The following FAM161A variants were observed in gnomAD, a reference collection of about 807,000 sequenced individuals.
FAM161A encodes the protein protein FAM161A.
FAM161A carries 57 observed loss-of-function variants against 70.9 expected under a neutral mutation model. That is an observed-to-expected ratio of 0.80 (90% CI 0.65 to 1.00). The LOEUF is 1.00. FAM161A is among the 50% of genes least tolerant of loss of function. The pLI, the probability that FAM161A is intolerant of heterozygous loss-of-function variation, is 0.00. For missense variants in FAM161A, 880 were observed against 836.0 expected, an observed-to-expected ratio of 1.05 and a Z score of -0.65; for synonymous variants, 299 against 295.7, an observed-to-expected ratio of 1.01 and a Z score of -0.12.
chr2:61,819,892 G>C (rs1313359720), downstream of FAM161A, among the ~76,000 whole-genome samples: 1 of 151,914 alleles, frequency 6.6e-6, no homozygotes, highest in African/African-American at 2.4e-5. Flanking sequence ...GCTTGAGAAA[G>C]GCTCATTTAT....
Position 61,838,428 on chromosome 2 carries a change from G to A in FAM161A, c.1751+110C>T, listed in dbSNP as rs1672852905. ...AACTGATGACAATTTAAATCCATAAGCTAAAACACTAATGCTATTTTCAAT... is the reference window on the plus strand; with the variant it reads ...AACTGATGACAATTTAAATCCATAAACTAAAACACTAATGCTATTTTCAAT... On this transcript the variant is annotated intron_variant, in intron 4 of 6. Coordinates refer to ENST00000404929, the MANE Select transcript of FAM161A (RefSeq NM_001201543.2). 3 of 931,626 alleles carry A rather than the reference G, an allele frequency of 3.2e-6. No individual in the cohort carries two copies. The Admixed American group carries it at 7.2e-5, about 22-fold the overall frequency. 57.7% of individuals were successfully genotyped at this position (931,626 alleles called of 1,614,324 possible).
At chr2:61,845,938 A>G (rs1183365165) in intron 1 of FAM161A, among the ~76,000 whole-genome samples, 1 of 151,906 alleles carries the variant, frequency 6.6e-6, no homozygotes, top group Non-Finnish European at 1.5e-5. Flanking sequence ...AAAATACAAA[A>G]ATTAGCCAGG....
intron 5 of FAM161A, among the ~76,000 whole-genome samples, chr2:61,829,203 C>T (rs1672483929): frequency 6.6e-6 from 1 of 152,168 alleles, no homozygotes; most frequent in Non-Finnish European, 1.5e-5. Flanking sequence ...TTGACCATTT[C>T]CTAGGTCTTT....
At chr2:61,832,067 CA>C (rs1049515007) in intron 5 of FAM161A, among the ~76,000 whole-genome samples, 60 of 151,988 alleles carry the variant, frequency 3.9e-4, no homozygotes, top group African/African-American at 1.3e-3. Context: ...AACACAGTAA[CA>C]CCCCTGTCTT....
intron 5 of FAM161A, among the ~76,000 whole-genome samples, chr2:61,833,512 G>A (rs1159465123): frequency 1.3e-5 from 2 of 151,810 alleles, no homozygotes; most frequent in African/African-American, 4.8e-5. Context: ...ACTGAATTCC[G>A]ATCTAACTGT....
intron 1 of FAM161A, among the ~76,000 whole-genome samples, chr2:61,850,494 A>G (rs541055194): frequency 6.6e-6 from 1 of 152,132 alleles, no homozygotes; most frequent in Non-Finnish European, 1.5e-5. Flanking sequence ...GCTCACGCCT[A>G]TAATCCCAGC....
the FAM161A span, among the ~76,000 whole-genome samples, chr2:61,806,680 CTTTTTTTTTTTTTT>C: frequency 2.4e-4 from 15 of 61,564 alleles, no homozygotes; most frequent in African/African-American, 4.9e-4. Flanking sequence ...CTTTCCACGT[CTTTTTTTTTTTTTT>C]TTTTTTTTTT....
At chr2:61,812,146 TC>T in the FAM161A span, among the ~76,000 whole-genome samples, 2 of 152,092 alleles carry the variant, frequency 1.3e-5, no homozygotes, top group Non-Finnish European at 2.9e-5. Context: ...AGGCAAACTC[TC>T]CCCCAGTCAC....
intron 1 of FAM161A, among the ~76,000 whole-genome samples, chr2:61,847,539 G>T (rs970542223): frequency 6.6e-6 from 1 of 152,144 alleles, no homozygotes; most frequent in Non-Finnish European, 1.5e-5. Flanking sequence ...GGGAGGCTGG[G>T]GCAGGTGGAT....
chr2:61,819,176 G>T, the FAM161A span, among the ~76,000 whole-genome samples: 1 of 152,198 alleles, frequency 6.6e-6, no homozygotes, highest in African/African-American at 2.4e-5. Context: ...TAGACAAAAA[G>T]AGACTAAAGA....
chr2:61,848,058 G>A (rs544627946), intron 1 of FAM161A, among the ~76,000 whole-genome samples: 1 of 152,088 alleles, frequency 6.6e-6, no homozygotes, highest in Non-Finnish European at 1.5e-5. Context: ...AAACAGGGAG[G>A]GTATTTCAAA....
At chr2:61,837,180 T>C (rs530539726) in intron 4 of FAM161A, among the ~76,000 whole-genome samples, 2 of 152,268 alleles carry the variant, frequency 1.3e-5, no homozygotes, top group South Asian at 4.1e-4. Context: ...TGCTGTTATT[T>C]TTTTCCCCTA....
intron 5 of FAM161A, among the ~76,000 whole-genome samples, chr2:61,832,244 C>A (rs200399256): frequency 0.35 from 49,538 of 139,838 alleles, 9,774 homozygotes; most frequent in East Asian, 0.67. Flanking sequence ...CCCTGTCACA[C>A]ACACACAAAA....
the FAM161A span, among the ~76,000 whole-genome samples, chr2:61,805,387 G>A: frequency 2.0e-5 from 3 of 152,136 alleles, no homozygotes; most frequent in Non-Finnish European, 1.5e-5. Flanking sequence ...TTGGTGGCGG[G>A]AGCCTGTAAT....
At chr2:61,834,809 A>T (rs1672711436) in intron 5 of FAM161A, among the ~76,000 whole-genome samples, 1 of 152,036 alleles carries the variant, frequency 6.6e-6, no homozygotes, top group Non-Finnish European at 1.5e-5. Flanking sequence ...TGAATTTAAA[A>T]TAAAAGTTGA....
At chr2:61,837,724 C>T (rs927038981) in intron 4 of FAM161A, among the ~76,000 whole-genome samples, 3 of 151,998 alleles carry the variant, frequency 2.0e-5, no homozygotes, top group Non-Finnish European at 4.4e-5. Context: ...GAGCGAGACT[C>T]TGTCTCAAAA....
In FAM161A at chr2:61,844,592, G is replaced by A. The variant is rs941774732; in HGVS notation, c.184-2232C>T. ...CAGGTACCTGTAGTCCCAGCTACTC[G>A]GGAGGCTGAAGCGGAAGAGTCACCT... On this transcript the variant is annotated intron_variant, in intron 1 of 6. Transcript: ENST00000404929. Among the ~76,000 whole-genome samples, 16 of 152,112 alleles carry A rather than the reference G, an allele frequency of 1.1e-4. No individual in the cohort carries two copies. The East Asian group carries it at 2.1e-3, about 20-fold the overall frequency.
intron 1 of FAM161A, among the ~76,000 whole-genome samples, chr2:61,853,194 G>A (rs1026910893): frequency 6.6e-6 from 1 of 151,960 alleles, no homozygotes; most frequent in Admixed American, 6.6e-5. Flanking sequence ...ATAGGCACGA[G>A]CCACCGCGCC....
chr2:61,810,641 G>T, the FAM161A span, among the ~76,000 whole-genome samples: 1 of 151,790 alleles, frequency 6.6e-6, no homozygotes, highest in South Asian at 2.1e-4. Context: ...TGTATTTTTA[G>T]TAAAGAGGGG....
Sources: gnomAD v4.1 joint callset for allele counts (sites outside exome capture counted in the v4.1 genomes callset) on GRCh38, gnomAD v4.1.1 for gene constraint, MANE v1.5 for transcripts, NCBI Gene and HGNC (gene_info 2026-07-23, HGNC 2026-07-21) for gene names.